PBRM1: variants seen among roughly 807,000 people sequenced by gnomAD.
PBRM1 encodes polybromo 1, also known as protein polybromo-1.
PBRM1 carries 27 observed loss-of-function variants against 194.5 expected under a neutral mutation model. That is an observed-to-expected ratio of 0.14 (90% CI 0.10 to 0.19). The LOEUF (loss-of-function observed/expected upper bound fraction) is 0.19. Ranked by LOEUF, PBRM1 falls within the 10% of genes least tolerant of loss-of-function variation. The pLI, the probability that PBRM1 is intolerant of heterozygous loss-of-function variation, is 1.00. For missense variants in PBRM1, 1,466 were observed against 2,077.2 expected (o/e 0.71, Z 5.72); for synonymous variants, 655 against 693.2 (o/e 0.94, Z 0.87).
intron 22 of PBRM1, among the ~76,000 whole-genome samples, chr3:52,567,774 G>A (rs1241004838): frequency 2.7e-5 from 4 of 149,758 alleles, no homozygotes; most frequent in Non-Finnish European, 5.9e-5. Flanking sequence ...TGGGATTACA[G>A]GCGTGTGCCA....
chr3:52,571,433 C>T (rs538445888), intron 22 of PBRM1, among the ~76,000 whole-genome samples: 3 of 151,512 alleles, frequency 2.0e-5, no homozygotes, highest in Admixed American at 6.6e-5. Context: ...CAAGGCCATC[C>T]TGGCCAACAT....
intron 13 of PBRM1, among the ~76,000 whole-genome samples, chr3:52,625,315 C>G (rs1236876178): frequency 6.6e-6 from 1 of 152,198 alleles, no homozygotes; most frequent in Non-Finnish European, 1.5e-5. Flanking sequence ...CTCTTATTAC[C>G]AAAACCTCTC....
chr3:52,644,049 T>C (rs1340213930), intron 8 of PBRM1, among the ~76,000 whole-genome samples: 1 of 151,880 alleles, frequency 6.6e-6, no homozygotes, highest in Non-Finnish European at 1.5e-5. Context: ...TAAATAGCCT[T>C]ACCAAAAATA....
intron 17 of PBRM1, among the ~76,000 whole-genome samples, chr3:52,591,681 G>A (rs1288350816): frequency 6.6e-6 from 1 of 150,928 alleles, no homozygotes; most frequent in Non-Finnish European, 1.5e-5. Context: ...CACCATGCCC[G>A]GCTAATTTTT....
chr3:52,675,883 A>C (rs1191113223), intron 2 of PBRM1, among the ~76,000 whole-genome samples: 2 of 115,494 alleles, frequency 1.7e-5, no homozygotes, highest in African/African-American at 7.0e-5. Context: ...TGGGAGGCCG[A>C]GGCGGGCGGA....
chr3:52,561,944 T>A (rs1431131355), exon 25 of PBRM1: 1 of 1,614,036 alleles, frequency 6.2e-7, no homozygotes, highest in South Asian at 1.1e-5. Flanking sequence ...TTCTTTGCAC[T>A]GCCTTTGGCA....
intron 5 of PBRM1, among the ~76,000 whole-genome samples, chr3:52,654,221 C>G (rs2096565181): frequency 6.6e-6 from 1 of 152,198 alleles, no homozygotes; most frequent in Non-Finnish European, 1.5e-5. Flanking sequence ...AAGCCACAGC[C>G]TTCACTCAGT....
At chr3:52,643,063 C>T (rs2096166469) in intron 9 of PBRM1, among the ~76,000 whole-genome samples, 185 bp downstream of exon 10, 1 of 152,216 alleles carries the variant, frequency 6.6e-6, no homozygotes, top group Non-Finnish European at 1.5e-5. Context: ...GCTGGGATTA[C>T]AGGCGTGAGC....
intron 11 of PBRM1, among the ~76,000 whole-genome samples, chr3:52,632,844 C>T (rs999359288): frequency 1.3e-5 from 2 of 152,054 alleles, no homozygotes; most frequent in Admixed American, 1.3e-4. Context: ...CTGGCTCCTG[C>T]CACTACGCCT....
At chr3:52,576,973 C>T (rs986508891) in intron 21 of PBRM1, among the ~76,000 whole-genome samples, 2 of 152,178 alleles carry the variant, frequency 1.3e-5, no homozygotes, top group African/African-American at 2.4e-5. Context: ...TATCTAATGA[C>T]CAGGTTTTCT....
At chr3:52,576,364 A>G (rs1004038643) in intron 22 of PBRM1, among the ~76,000 whole-genome samples, 177 bp downstream of exon 24, 5 of 152,146 alleles carry the variant, frequency 3.3e-5, no homozygotes, top group Admixed American at 1.3e-4. Context: ...GATATTCTAT[A>G]TATTTATTTT....
At chr3:52,604,955 C>T (rs2094248533) in intron 16 of PBRM1, among the ~76,000 whole-genome samples, 1 of 84,912 alleles carries the variant, frequency 1.2e-5, no homozygotes, top group Non-Finnish European at 2.8e-5. Context: ...GAGACTCTGT[C>T]CCAAAATAAA....
At chr3:52,612,907 A>C (rs1473577213) in intron 15 of PBRM1, among the ~76,000 whole-genome samples, 1 of 118,186 alleles carries the variant, frequency 8.5e-6, no homozygotes, top group African/African-American at 5.8e-5. Flanking sequence ...ATCCGTCTCA[A>C]AAAAAAAAAA....
At chr3:52,616,672 G>A (rs1321509984) in intron 14 of PBRM1, among the ~76,000 whole-genome samples, 10 of 152,190 alleles carry the variant, frequency 6.6e-5, no homozygotes, top group African/African-American at 2.4e-4. Flanking sequence ...CAGCCTGGGC[G>A]ACAGAGCGAG....
At chr3:52,643,011 C>T (rs920854859) in intron 9 of PBRM1, among the ~76,000 whole-genome samples, 1 of 152,162 alleles carries the variant, frequency 6.6e-6, no homozygotes, top group Non-Finnish European at 1.5e-5. Flanking sequence ...TGGTCTGGAA[C>T]ACCTGATCTC....
At chr3:52,613,464 T>C (rs1250959383) in intron 15 of PBRM1, among the ~76,000 whole-genome samples, 1 of 151,488 alleles carries the variant, frequency 6.6e-6, no homozygotes. Context: ...GCCTCCCAAA[T>C]AGCTAGGACC....
At chr3:52,659,757 C>A (rs1469639651) in intron 4 of PBRM1, among the ~76,000 whole-genome samples, 1 of 152,074 alleles carries the variant, frequency 6.6e-6, no homozygotes, top group African/African-American at 2.4e-5. Context: ...AATTAGAAAC[C>A]TGAAAATTTC....
chr3:52,649,943 G>A (rs1032786604), intron 6 of PBRM1, among the ~76,000 whole-genome samples: 1 of 152,136 alleles, frequency 6.6e-6, no homozygotes, highest in African/African-American at 2.4e-5. Context: ...CTGAGATAGA[G>A]ATGATTAAAG....
intron 29 of PBRM1, among the ~76,000 whole-genome samples, chr3:52,549,605 A>C (rs573519269): frequency 4.0e-4 from 61 of 152,314 alleles, no homozygotes; most frequent in African/African-American, 2.4e-4. Flanking sequence ...GGCAAAAAAA[A>C]CCACAACAAC....
Sources: allele counts gnomAD v4.1 joint callset (sites outside exome capture counted in the v4.1 genomes callset), GRCh38; gene constraint gnomAD v4.1.1; transcripts MANE v1.5; gene names NCBI Gene and HGNC (gene_info 2026-07-23, HGNC 2026-07-21).